The following RABGAP1L variants were observed in gnomAD, a reference collection of about 807,000 sequenced individuals.
The protein encoded by RABGAP1L is rab GTPase-activating protein 1-like.
In RABGAP1L, 63 loss-of-function variants were observed where a neutral mutation model predicts 137.7. That is an observed-to-expected ratio of 0.46 (90% CI 0.37 to 0.56). The LOEUF (loss-of-function observed/expected upper bound fraction) is 0.56, where lower values mean the gene tolerates loss of function less well. Ranked by LOEUF, RABGAP1L falls within the 20% of genes least tolerant of loss-of-function variation. The pLI is 0.00. For synonymous variants in RABGAP1L, 431 were observed against 433.7 expected (o/e 0.99, Z 0.08); for missense variants, 1,095 against 1,244.0 (o/e 0.88, Z 1.80).
At chr1:174,873,034 G>A (rs554794348) in intron 19 of RABGAP1L, among the ~76,000 whole-genome samples, 6 of 152,252 alleles carry the variant, frequency 3.9e-5, no homozygotes, top group Admixed American at 6.5e-5. Context: ...CTATATGGGG[G>A]TTGCAGAAGA....
At chr1:174,201,973 A>G (rs141647026) in intron 1 of RABGAP1L, among the ~76,000 whole-genome samples, 3,366 of 152,054 alleles carry the variant, frequency 0.022, 57 homozygotes, top group Middle Eastern at 0.09. Flanking sequence ...CCTACAAAGG[A>G]CATGAACTCA....
At chr1:174,200,852 T>C (rs1668045186) in intron 1 of RABGAP1L, among the ~76,000 whole-genome samples, 1 of 152,224 alleles carries the variant, frequency 6.6e-6, no homozygotes, top group South Asian at 2.1e-4. Flanking sequence ...TAGGATAAAG[T>C]ACAGTGTCTT....
At chr1:174,686,834 T>C (rs576127572) in intron 15 of RABGAP1L, among the ~76,000 whole-genome samples, 1 of 151,650 alleles carries the variant, frequency 6.6e-6, no homozygotes, top group African/African-American at 2.4e-5. Context: ...ATTTTAGTTT[T>C]TTTTTCAGTA....
intron 13 of RABGAP1L, among the ~76,000 whole-genome samples, chr1:174,500,828 C>T (rs16847096): frequency 0.029 from 4,379 of 152,216 alleles, 215 homozygotes; most frequent in African/African-American, 0.096. Context: ...AAACTCAGTG[C>T]TCATGAGGAC....
chr1:174,403,245 G>A (rs200581010), intron 13 of RABGAP1L, among the ~76,000 whole-genome samples: 12,022 of 127,224 alleles, frequency 0.094, 610 homozygotes, highest in East Asian at 0.22. Context: ...GTGTGTGTGT[G>A]TGTATATATA....
chr1:174,650,044 G>T (rs533111750), intron 14 of RABGAP1L, among the ~76,000 whole-genome samples: 1 of 152,230 alleles, frequency 6.6e-6, no homozygotes, highest in East Asian at 1.9e-4. Context: ...TTAGCATGAA[G>T]TGTTGTTGAA....
chr1:174,632,303 C>G (rs1031639691), intron 13 of RABGAP1L, among the ~76,000 whole-genome samples: 15 of 149,282 alleles, frequency 1.0e-4, no homozygotes, highest in Admixed American at 2.7e-4. Context: ...GTAACCCGAC[C>G]TTTCTCTCTG....
At chr1:174,766,993 T>C (rs1685718947) in intron 18 of RABGAP1L, among the ~76,000 whole-genome samples, 1 of 152,218 alleles carries the variant, frequency 6.6e-6, no homozygotes. Context: ...CCTAAGTGTT[T>C]AGACAACAAC....
intron 13 of RABGAP1L, among the ~76,000 whole-genome samples, chr1:174,469,869 T>G (rs1036518767): frequency 6.6e-6 from 1 of 152,040 alleles, no homozygotes; most frequent in Non-Finnish European, 1.5e-5. Flanking sequence ...CTGCCTTCAC[T>G]GGGGATTGTC....
intron 13 of RABGAP1L, among the ~76,000 whole-genome samples, chr1:174,399,461 G>A (rs183606562): frequency 1.6e-4 from 24 of 152,240 alleles, no homozygotes; most frequent in Admixed American, 1.4e-3. Flanking sequence ...GGAATGGCAA[G>A]ATTTCAAGGT....
intron 13 of RABGAP1L, among the ~76,000 whole-genome samples, chr1:174,622,311 C>G (rs1166210538): frequency 1.3e-5 from 2 of 152,176 alleles, no homozygotes; most frequent in Admixed American, 1.3e-4. Flanking sequence ...CCTCAAGGAT[C>G]TAGAACTAGG....
chr1:174,984,057 CAAAAAAAAAAA>C (rs1163719976), intron 24 of RABGAP1L, among the ~76,000 whole-genome samples: 80 of 115,070 alleles, frequency 7.0e-4, no homozygotes, highest in Non-Finnish European at 1.3e-3. Flanking sequence ...TTTCTTCTAA[CAAAAAAAAAAA>C]AAAAAAAAAA....
intron 1 of RABGAP1L, among the ~76,000 whole-genome samples, chr1:174,202,805 A>G (rs1668223384): frequency 6.6e-6 from 1 of 152,104 alleles, no homozygotes; most frequent in African/African-American, 2.4e-5. Context: ...TAAGTCTTTA[A>G]TCCATGTTGA....
chr1:174,221,446 TG>T lies in RABGAP1L; in HGVS notation c.331+285del, dbSNP rs1187077238. ...CTTACTGAACAAATGAGTAAATACT[TG>T]GGTGTCACAGAATAGTGTAATGGAG... On this transcript the variant is annotated intron_variant, in intron 3 of 25. Coordinates refer to ENST00000681986, the MANE Select transcript of RABGAP1L (RefSeq NM_001366446.1). 5.9e-5 allele frequency among the ~76,000 whole-genome samples: 9 copies of T among 152,326 alleles called. No homozygotes were observed. In the East Asian group the frequency reaches 1.7e-3, roughly 29 times the overall value.
At chr1:174,672,992 C>T (rs182160619) in intron 14 of RABGAP1L, among the ~76,000 whole-genome samples, 6 of 152,138 alleles carry the variant, frequency 3.9e-5, no homozygotes, top group East Asian at 1.9e-4. Flanking sequence ...GGATAGGATT[C>T]GAACTTTTCC....
chr1:174,209,475 CTGTGT>C (rs1668724515), intron 1 of RABGAP1L, among the ~76,000 whole-genome samples: 1 of 152,174 alleles, frequency 6.6e-6, no homozygotes, highest in Non-Finnish European at 1.5e-5. Context: ...CCAAATGGGC[CTGTGT>C]TGTGGGTGGC....
At position 174,985,119 on chromosome 1, in the gene RABGAP1L, G is replaced by A. The variant is rs1012468373; in HGVS notation, c.2805+2214G>A. On this transcript the variant is annotated intron_variant, in intron 24 of 25. Coordinates refer to ENST00000681986, the MANE Select transcript of RABGAP1L (RefSeq NM_001366446.1). Reference sequence around the variant, plus strand: ...AATAAAGAAGAACAACTAGGCTCACGCCTGTCATTCCAACACTTTGGGGAG... The same window carrying A: ...AATAAAGAAGAACAACTAGGCTCACACCTGTCATTCCAACACTTTGGGGAG... Among the ~76,000 whole-genome samples, 9 of 152,322 alleles carry A rather than the reference G, an allele frequency of 5.9e-5. No individual in the cohort carries two copies. The East Asian group carries it at 1.5e-3, about 26-fold the overall frequency.
chr1:174,364,243 C>CTTTTTTT lies in RABGAP1L; in HGVS notation c.1466-6713_1466-6707dup, dbSNP rs1054313083. On this transcript the variant is annotated intron_variant, in intron 11 of 25. Transcript: ENST00000681986. ...TTGTTCTGTTCAGCTTTTGGATTTC[C>CTTTTTTT]TTTTTTTTTTTTTTTTTTTTTTTTT... Among the ~76,000 whole-genome samples, 32 of 81,174 alleles carry CTTTTTTT rather than the reference C, an allele frequency of 3.9e-4. 5 individuals are homozygous for CTTTTTTT. Among genetic ancestry groups the CTTTTTTT allele is most frequent in the African/African-American group, 1.5e-3 (21 of 13,580 alleles). 53.3% of individuals were successfully genotyped at this position (81,174 alleles called of 152,430 possible).
chr1:174,285,192 CT>C (rs1272422496), intron 10 of RABGAP1L, among the ~76,000 whole-genome samples: 1 of 151,616 alleles, frequency 6.6e-6, no homozygotes, highest in South Asian at 2.1e-4. Context: ...AATTTTTGTA[CT>C]TTTAGTAGAG....
Sources: allele counts gnomAD v4.1 joint callset (sites outside exome capture counted in the v4.1 genomes callset), GRCh38; gene constraint gnomAD v4.1.1; transcripts MANE v1.5; gene names NCBI Gene and HGNC (gene_info 2026-07-23, HGNC 2026-07-21).